The following GDA variants were observed in gnomAD, a reference collection of about 807,000 sequenced individuals.
GDA encodes the protein cytoplasmic PSD-95 interactor.
In GDA, 18 loss-of-function variants were observed where a neutral mutation model predicts 59.6. The ratio of observed to expected loss-of-function variants is 0.30; its 90% confidence interval spans 0.21 to 0.45. GDA has a LOEUF of 0.45. Among genes scored for constraint, GDA ranks in the 20% least tolerant of loss-of-function variants. GDA has a pLI of 1.00. For synonymous variants in GDA, 201 were observed against 201.1 expected, an observed-to-expected ratio of 1.00 and a Z score of 0.00; for missense variants, 427 against 552.3, an observed-to-expected ratio of 0.77 and a Z score of 2.27.
At chr9:72,196,751 C>A in intron 2 of GDA, among the ~76,000 whole-genome samples, 1 of 150,096 alleles carries the variant, frequency 6.7e-6, no homozygotes, top group African/African-American at 2.5e-5. Flanking sequence ...TTGCCCCCCA[C>A]CCCCCAACAG....
At chr9:72,167,293 T>C (rs1829432782) in intron 1 of GDA, among the ~76,000 whole-genome samples, 1 of 152,096 alleles carries the variant, frequency 6.6e-6, no homozygotes, top group African/African-American at 2.4e-5. Context: ...TTCCCTGCTA[T>C]ATAAACCCCT....
At chr9:72,118,736 T>C (rs1011411877) in intron 1 of GDA, among the ~76,000 whole-genome samples, 9 of 152,228 alleles carry the variant, frequency 5.9e-5, no homozygotes, top group African/African-American at 9.6e-5. Flanking sequence ...TTTTCTTATG[T>C]TTAGTATTAA....
chr9:72,142,204 A>T (rs1174112582), intron 1 of GDA, among the ~76,000 whole-genome samples: 1 of 152,180 alleles, frequency 6.6e-6, no homozygotes, highest in Non-Finnish European at 1.5e-5. Flanking sequence ...GAAGTGGGGA[A>T]ATCTTTCATT....
chr9:72,219,604 CT>C, intron 6 of GDA, 98 bp downstream of exon 6: 2 of 789,940 alleles, frequency 2.5e-6, no homozygotes, highest in Non-Finnish European at 4.2e-6. Context: ...GTACGACTGG[CT>C]TATCTCATGC....
intron 7 of GDA, 24 bp from the exon 8 acceptor site, chr9:72,225,653 G>A: frequency 9.2e-7 from 1 of 1,081,628 alleles, no homozygotes; most frequent in Non-Finnish European, 1.4e-6. Context: ...GAAGAAAAAT[G>A]AAAATATTAT....
intron 1 of GDA, among the ~76,000 whole-genome samples, chr9:72,134,360 C>G (rs1271104871): frequency 6.6e-6 from 1 of 151,766 alleles, no homozygotes; most frequent in African/African-American, 2.4e-5. Flanking sequence ...TCTGAAAACT[C>G]TCCATAAAAC....
chr9:72,251,356 C>T lies in GDA; in HGVS notation c.*3014C>T, dbSNP rs1840662670. ...ACCAGGCTCTTCCTATTTTTAATCT[C>T]TTCACCTCAGAACTAGACATATGGA... is the stretch of plus-strand genomic sequence containing the variant. On this transcript the variant is annotated 3_prime_UTR_variant, in exon 14 of 14. Coordinates refer to ENST00000358399, the MANE Select transcript of GDA (RefSeq NM_004293.5). 6.4e-6 allele frequency: 1 copy of T among 155,838 alleles called. No homozygotes were observed. The highest frequency in any genetic ancestry group is 1.4e-5 in the Non-Finnish European group (1 of 70,644). 9.7% of individuals were successfully genotyped at this position (155,838 alleles called of 1,614,324 possible). A position where few individuals can be genotyped will look rare whatever the true frequency, so the allele number is the denominator to read the frequency against.
At chr9:72,242,298 T>G (rs1265994827) in intron 11 of GDA, among the ~76,000 whole-genome samples, 1 of 152,312 alleles carries the variant, frequency 6.6e-6, no homozygotes, top group East Asian at 1.9e-4. Context: ...ATGTAAAAAT[T>G]TAGTTGGTTG....
rs145088768 is a variant in GDA at position 72,223,150 on chromosome 9, C to A, written c.637C>A (p.Arg213Ser). Reference protein sequence around the residue: ...YSRVKPIVTPRFSLSCSETLM... With the variant: ...YSRVKPIVTPSFSLSCSETLM... ...TAGAGTGAAGCCCATAGTGACACCACGTTTTTCCCTCTCCTGCTCTGAGAC... is the reference window on the plus strand; with the variant it reads ...TAGAGTGAAGCCCATAGTGACACCAAGTTTTTCCCTCTCCTGCTCTGAGAC... The change falls in exon 7 of 14, where the codon CGT becomes AGT. Residue 213 changes from arginine (R) to serine (S), a missense_variant. Coordinates refer to ENST00000358399, the MANE Select transcript of GDA (RefSeq NM_004293.5). 2 of 1,609,542 alleles carry A rather than the reference C, an allele frequency of 1.2e-6. No homozygotes were observed. Among genetic ancestry groups the A allele is most frequent in the East Asian group, 4.5e-5 (2 of 44,834 alleles).
At chr9:72,124,970 A>T (rs1228832023) in intron 1 of GDA, among the ~76,000 whole-genome samples, 2 of 152,204 alleles carry the variant, frequency 1.3e-5, no homozygotes, top group African/African-American at 4.8e-5. Context: ...AAATCATAAA[A>T]CAGTGATTAC....
At chr9:72,178,126 C>G (rs1830746140) in intron 1 of GDA, among the ~76,000 whole-genome samples, 1 of 152,208 alleles carries the variant, frequency 6.6e-6, no homozygotes, top group Non-Finnish European at 1.5e-5. Flanking sequence ...AATAGATGCA[C>G]AGTGACTAGC....
At chr9:72,143,128 A>ATT (rs534785979) in intron 1 of GDA, among the ~76,000 whole-genome samples, 12 of 125,274 alleles carry the variant, frequency 9.6e-5, no homozygotes, top group East Asian at 9.2e-4. Context: ...CAGGTCAAGA[A>ATT]TTTTTTTTTT....
chr9:72,202,511 A>G lies in GDA; in HGVS notation c.213-60A>G, dbSNP rs952725071. The G allele has an allele frequency of 3.4e-6, 4 of 1,164,974 alleles. No individual in the cohort carries two copies. The African/African-American group carries it at 6.2e-5, about 18-fold the overall frequency. 72.2% of individuals were successfully genotyped at this position (1,164,974 alleles called of 1,614,324 possible). ...CATGCTTGGGAAAAAATGTGATTTA[A>G]AAATATGGGAAATGACTGAAGATAT... On this transcript the variant is annotated intron_variant, in intron 2 of 13. Transcript: ENST00000358399.
intron 8 of GDA, 46 bp from the exon 9 acceptor site, chr9:72,227,897 A>G: frequency 1.0e-6 from 1 of 1,004,086 alleles, no homozygotes; most frequent in Non-Finnish European, 1.6e-6. Flanking sequence ...TACCCACTTA[A>G]TCATTTGTGA....
At chr9:72,212,577 A>G (rs900091733) in intron 4 of GDA, among the ~76,000 whole-genome samples, 4 of 152,140 alleles carry the variant, frequency 2.6e-5, no homozygotes, top group South Asian at 2.1e-4. Context: ...AACCCTACAC[A>G]TAGCAGAGAA....
Position 72,249,345 on chromosome 9 carries a change from T to A in GDA, c.*1003T>A. On this transcript the variant is annotated 3_prime_UTR_variant, in exon 14 of 14. Transcript: ENST00000358399. The stretch of plus-strand genomic sequence containing the variant: ...TGGAAATTCCATACTCAGATATCAG[T>A]CTGCTAGAACTTTAAAATGAAGGAC... The A allele has an allele frequency of 1.0e-6, 1 of 976,352 alleles. No homozygotes were observed. Among genetic ancestry groups the A allele is most frequent in the Non-Finnish European group, 1.2e-6 (1 of 821,716 alleles). 60.5% of individuals were successfully genotyped at this position (976,352 alleles called of 1,614,324 possible).
At chr9:72,252,357 A>T (rs551866051), downstream of GDA, 1 of 152,392 alleles carries the variant, frequency 6.6e-6, no homozygotes, top group African/African-American at 2.4e-5. Flanking sequence ...CTCAGCTGTG[A>T]GCCAACATGT....
chr9:72,155,837 T>TA (rs1212611463), intron 1 of GDA, among the ~76,000 whole-genome samples: 1 of 152,226 alleles, frequency 6.6e-6, no homozygotes, highest in African/African-American at 2.4e-5. Context: ...CTCTATCACT[T>TA]ATTACCTATG....
intron 1 of GDA, among the ~76,000 whole-genome samples, chr9:72,129,117 C>A (rs999667151): frequency 6.6e-6 from 1 of 152,096 alleles, no homozygotes; most frequent in Non-Finnish European, 1.5e-5. Flanking sequence ...CATGCGCCAC[C>A]ACATCCCGCT....
Sources: gnomAD v4.1 joint callset for allele counts (sites outside exome capture counted in the v4.1 genomes callset) on GRCh38, gnomAD v4.1.1 for gene constraint, MANE v1.5 for transcripts, NCBI Gene and HGNC (gene_info 2026-07-23, HGNC 2026-07-21) for gene names.